Variants in CPEB4 observed in about 807,000 individuals in gnomAD.
CPEB4 encodes the protein cytoplasmic polyadenylation element-binding protein 4.
Under a neutral mutation model 72.5 loss-of-function variants are expected in CPEB4, and 12 were observed. The ratio of observed to expected loss-of-function variants is 0.17; its 90% CI spans 0.11 to 0.27. The LOEUF is 0.27. Ranked by LOEUF, CPEB4 falls within the 10% of genes least tolerant of loss-of-function variation. The pLI is 1.00. For synonymous variants in CPEB4, 302 were observed against 326.3 expected (o/e 0.93, Z 0.80); for missense variants, 614 against 908.5 (o/e 0.68, Z 4.17).
At chr5:173,933,923 C>G (rs1003759338) in intron 3 of CPEB4, among the ~76,000 whole-genome samples, 1 of 152,188 alleles carries the variant, frequency 6.6e-6, no homozygotes, top group African/African-American at 2.4e-5. Context: ...AAAAAGCCAC[C>G]TGTAATCCCA....
chr5:173,916,845 T>C (rs1045680941), intron 2 of CPEB4, among the ~76,000 whole-genome samples: 1 of 152,212 alleles, frequency 6.6e-6, no homozygotes, highest in African/African-American at 2.4e-5. Context: ...TTTTATATCA[T>C]TGTAAGAGAG....
intron 2 of CPEB4, among the ~76,000 whole-genome samples, chr5:173,917,508 T>G (rs1254317603): frequency 6.6e-6 from 1 of 152,066 alleles, no homozygotes; most frequent in Non-Finnish European, 1.5e-5. Flanking sequence ...CCAAGGTGGG[T>G]GGATCACCAG....
At chr5:173,932,357 A>G in intron 2 of CPEB4, 93 bp from the exon 3 acceptor site, 4 of 889,190 alleles carry the variant, frequency 4.5e-6, no homozygotes, top group Non-Finnish European at 7.0e-6. Context: ...TACCTTGCCT[A>G]TTTGAAAGCA....
rs1224033793 is a variant in CPEB4 at position 173,956,156 on chromosome 5, A to ATT, written c.*22_*23dup. 6.3e-7 allele frequency: 1 copy of ATT among 1,596,160 alleles called. No homozygotes were observed. The highest frequency in any genetic ancestry group is 1.3e-5 in the African/African-American group (1 of 74,562). The stretch of plus-strand genomic sequence containing the variant: ...GAACTAAAGGATAACTGCAGTGCTC[A>ATT]TTTTCAGGCCTCAGAATAAGTGCAC... On this transcript the variant is annotated 3_prime_UTR_variant, in exon 10 of 10. Transcript: ENST00000265085.
intron 2 of CPEB4, among the ~76,000 whole-genome samples, chr5:173,913,486 C>T (rs1756754688): frequency 6.6e-6 from 1 of 152,224 alleles, no homozygotes; most frequent in African/African-American, 2.4e-5. Context: ...GCGTGAGCCA[C>T]TGCACCTGGC....
At chr5:173,913,138 T>C (rs1331265734) in intron 2 of CPEB4, among the ~76,000 whole-genome samples, 1 of 152,084 alleles carries the variant, frequency 6.6e-6, no homozygotes, top group Middle Eastern at 3.4e-3. Context: ...TATGTGACAT[T>C]TTAAGAAGCA....
chr5:173,924,815 A>G (rs1029357969), intron 2 of CPEB4, among the ~76,000 whole-genome samples: 2 of 152,202 alleles, frequency 1.3e-5, no homozygotes, highest in Non-Finnish European at 1.5e-5. Context: ...CATTTTCCAC[A>G]GTTGTTTATT....
chr5:173,929,263 C>T (rs914316633), intron 2 of CPEB4, among the ~76,000 whole-genome samples: 3 of 152,024 alleles, frequency 2.0e-5, no homozygotes, highest in Admixed American at 6.6e-5. Flanking sequence ...GTTAAGAGAC[C>T]GTTTTGTTAC....
At chr5:173,917,274 A>G (rs1195805744) in intron 2 of CPEB4, among the ~76,000 whole-genome samples, 1 of 152,126 alleles carries the variant, frequency 6.6e-6, no homozygotes, top group African/African-American at 2.4e-5. Flanking sequence ...TGGTGGGGAG[A>G]GTATATAATT....
At chr5:173,937,019 C>CTTTT (rs150187685) in intron 3 of CPEB4, among the ~76,000 whole-genome samples, 2 of 97,214 alleles carry the variant, frequency 2.1e-5, no homozygotes, top group African/African-American at 4.1e-5. Flanking sequence ...CATTTCTTTC[C>CTTTT]TTTTTTTTTT....
At chr5:173,920,569 T>C (rs1757035206) in intron 2 of CPEB4, among the ~76,000 whole-genome samples, 1 of 152,128 alleles carries the variant, frequency 6.6e-6, no homozygotes, top group African/African-American at 2.4e-5. Flanking sequence ...AAAGGAGAAG[T>C]GTTCAGGGTT....
intron 3 of CPEB4, among the ~76,000 whole-genome samples, chr5:173,934,954 T>G (rs1757570191): frequency 6.6e-6 from 1 of 152,188 alleles, no homozygotes; most frequent in Non-Finnish European, 1.5e-5. Flanking sequence ...TGCTCTCACT[T>G]TAGCTCAGGT....
Position 173,890,004 on chromosome 5 carries a change from T to C in CPEB4, c.271T>C (p.Leu91=). The C allele has an allele frequency of 6.2e-7, 1 of 1,614,136 alleles. No individual in the cohort carries two copies. Among genetic ancestry groups the C allele is most frequent in the Non-Finnish European group, 8.5e-7 (1 of 1,180,022 alleles). The change falls in exon 1 of 10, where the codon TTA becomes CTA. Residue 91 remains leucine (L), a synonymous_variant. Transcript: ENST00000265085. ...KSQQQEQQDP[L]EKQQLSPSPG... is the part of the protein sequence containing the mutation. ...TCAGCAACAGGAACAGCAAGACCCCTTAGAAAAGCAGCAGCTTTCCCCAAG... is the reference window on the plus strand; with the variant it reads ...TCAGCAACAGGAACAGCAAGACCCCCTAGAAAAGCAGCAGCTTTCCCCAAG...
intron 1 of CPEB4, among the ~76,000 whole-genome samples, chr5:173,909,585 A>C (rs1401310777): frequency 6.6e-6 from 1 of 152,078 alleles, no homozygotes; most frequent in East Asian, 1.9e-4. Flanking sequence ...TCAACTTTCT[A>C]TATAGATTAT....
chr5:173,942,081 CAG>C (rs956460467), intron 3 of CPEB4, among the ~76,000 whole-genome samples: 1 of 152,214 alleles, frequency 6.6e-6, no homozygotes, highest in Admixed American at 6.5e-5. Flanking sequence ...ACTTTTTCAT[CAG>C]AGTCAGTTCT....
At chr5:173,925,130 A>G (rs1757199174) in intron 2 of CPEB4, among the ~76,000 whole-genome samples, 1 of 152,148 alleles carries the variant, frequency 6.6e-6, no homozygotes, top group South Asian at 2.1e-4. Context: ...GTTACCCAGA[A>G]GTTGAAGTTA....
At chr5:173,899,919 C>T (rs1756163491) in intron 1 of CPEB4, among the ~76,000 whole-genome samples, 1 of 152,064 alleles carries the variant, frequency 6.6e-6, no homozygotes, top group Non-Finnish European at 1.5e-5. Flanking sequence ...GGCCAGTGAC[C>T]TCCTCTTTGT....
chr5:173,906,208 C>T (rs1353389501), intron 1 of CPEB4, among the ~76,000 whole-genome samples: 1 of 152,210 alleles, frequency 6.6e-6, no homozygotes, highest in African/African-American at 2.4e-5. Context: ...TGATTTGACT[C>T]TTTCGTTGTT....
intron 4 of CPEB4, among the ~76,000 whole-genome samples, chr5:173,944,667 C>T (rs1473210893): frequency 1.3e-5 from 2 of 152,056 alleles, no homozygotes; most frequent in African/African-American, 4.8e-5. Context: ...AGTCTTCTGC[C>T]GACTGCTTGT....
Sources: allele counts gnomAD v4.1 joint callset (sites outside exome capture counted in the v4.1 genomes callset), GRCh38; gene constraint gnomAD v4.1.1; transcripts MANE v1.5; gene names NCBI Gene and HGNC (gene_info 2026-07-23, HGNC 2026-07-21).